The following NELL1 variants were observed in gnomAD, a reference collection of about 807,000 sequenced individuals.
NELL1 encodes protein kinase C-binding protein NELL1.
In NELL1, 76 loss-of-function variants were observed where a neutral mutation model predicts 107.4. The ratio of observed to expected loss-of-function variants is 0.71; its 90% CI spans 0.59 to 0.86. The LOEUF (loss-of-function observed/expected upper bound fraction) is 0.86. Among genes scored for constraint, NELL1 ranks in the 40% least tolerant of loss-of-function variants. The probability of loss-of-function intolerance (pLI) is 0.00; values close to 1 mark genes in which losing one functional copy is unlikely to be tolerated. For synonymous variants in NELL1, 353 were observed against 341.2 expected (o/e 1.03, Z -0.38); for missense variants, 1,024 against 1,005.5 (o/e 1.02, Z -0.25).
chr11:21,164,130 G>C (rs959568014), intron 13 of NELL1, among the ~76,000 whole-genome samples: 5 of 152,254 alleles, frequency 3.3e-5, no homozygotes, highest in Middle Eastern at 3.4e-3. Flanking sequence ...CAGAACTGTG[G>C]GAATATAAGT....
chr11:21,427,031 T>C (rs1192273325), intron 15 of NELL1, among the ~76,000 whole-genome samples: 1 of 152,078 alleles, frequency 6.6e-6, no homozygotes, highest in African/African-American at 2.4e-5. Flanking sequence ...CTTCAGTCAG[T>C]CCACAGCCAG....
At chr11:21,404,008 C>CCCA (rs1852164170) in intron 15 of NELL1, among the ~76,000 whole-genome samples, 1 of 99,548 alleles carries the variant, frequency 1.0e-5, no homozygotes, top group Non-Finnish European at 2.2e-5. Context: ...TTCCTGAACC[C>CCCA]CCCCCCCCGC....
At chr11:20,928,565 T>A in intron 9 of NELL1, 86 bp downstream of exon 9, 1 of 1,014,994 alleles carries the variant, frequency 9.9e-7, no homozygotes, top group Non-Finnish European at 1.5e-6. Context: ...CTCAACTGAT[T>A]GACATTGATG....
At chr11:20,943,574 C>A (rs955120338) in intron 10 of NELL1, among the ~76,000 whole-genome samples, 1 of 151,796 alleles carries the variant, frequency 6.6e-6, no homozygotes, top group Admixed American at 6.6e-5. Flanking sequence ...AGTACAAGAC[C>A]CCATTTCAAA....
Position 21,401,754 on chromosome 11 carries a change from G to A in NELL1, c.1645+30806G>A, listed in dbSNP as rs566363254. On this transcript the variant is annotated intron_variant, in intron 15 of 19. Coordinates refer to ENST00000357134, the MANE Select transcript of NELL1 (RefSeq NM_006157.5). Reference sequence around the variant, plus strand: ...CAGTAGGTAACATGAGGAAGCACCAGGAATATGAGTTTCAAGCCAGGCATC... The same window carrying A: ...CAGTAGGTAACATGAGGAAGCACCAAGAATATGAGTTTCAAGCCAGGCATC... Among the ~76,000 whole-genome samples the A allele has an allele frequency of 2.6e-5, 4 of 151,848 alleles. No homozygotes were observed. In the South Asian group the frequency reaches 6.2e-4, roughly 24 times the overall value.
intron 14 of NELL1, among the ~76,000 whole-genome samples, chr11:21,303,310 T>C (rs1849538445): frequency 6.6e-6 from 1 of 151,850 alleles, no homozygotes; most frequent in South Asian, 2.1e-4. Context: ...TTGCAAATTG[T>C]TTTTTTAGAA....
intron 14 of NELL1, among the ~76,000 whole-genome samples, chr11:21,274,538 AC>A (rs2133938912): frequency 6.6e-6 from 1 of 152,318 alleles, no homozygotes; most frequent in Non-Finnish European, 1.5e-5. Context: ...TCAGCTCTGC[AC>A]CAAGCGGACC....
Position 21,063,413 on chromosome 11 carries a change from C to T in NELL1, c.1301-50176C>T, listed in dbSNP as rs141035604. ...TTAGTTGAACTCAATCTCTAGTCCC[C>T]CTTCTCTCCCTGGAGGTCAAATTGC... On this transcript the variant is annotated intron_variant, in intron 12 of 19. Transcript: ENST00000357134. Among the ~76,000 whole-genome samples, 216 of 152,236 alleles carry T rather than the reference C, an allele frequency of 1.4e-3. 1 individual carries two copies. The highest frequency in any genetic ancestry group is 4.9e-3 in the African/African-American group (202 of 41,548).
chr11:20,903,802 T>G (rs1849931791), intron 5 of NELL1, among the ~76,000 whole-genome samples: 3 of 152,038 alleles, frequency 2.0e-5, no homozygotes, highest in Admixed American at 2.0e-4. Flanking sequence ...AAGCAGAAAT[T>G]GTCAGAACCA....
chr11:20,735,459 AC>A (rs1245837101), intron 2 of NELL1, among the ~76,000 whole-genome samples: 1 of 152,156 alleles, frequency 6.6e-6, no homozygotes, highest in Non-Finnish European at 1.5e-5. Context: ...CCCTTATAAA[AC>A]CATTATGTCT....
At chr11:21,135,868 ATTT>A (rs1855734214) in intron 13 of NELL1, among the ~76,000 whole-genome samples, 1 of 152,158 alleles carries the variant, frequency 6.6e-6, no homozygotes, top group Non-Finnish European at 1.5e-5. Context: ...ATATTTATCA[ATTT>A]TTGGTCCCTA....
rs200041858 is a variant in NELL1 at position 20,920,230 on chromosome 11, G to T, written c.759+896G>T. On this transcript the variant is annotated intron_variant, in intron 7 of 19. Coordinates refer to ENST00000357134, the MANE Select transcript of NELL1 (RefSeq NM_006157.5). Reference sequence around the variant, plus strand: ...CTAAGAGACATTATACTCTGCAAAAGAAGAATTTTAATAACAATGAAAATG... The same window carrying T: ...CTAAGAGACATTATACTCTGCAAAATAAGAATTTTAATAACAATGAAAATG... Among the ~76,000 whole-genome samples the T allele has an allele frequency of 8.0e-5, 11 of 138,002 alleles. 1 individual carries two copies. The South Asian group carries it at 2.6e-3, about 33-fold the overall frequency. 90.5% of individuals were successfully genotyped at this position (138,002 alleles called of 152,430 possible).
At chr11:20,998,692 C>T (rs1254225936) in intron 12 of NELL1, among the ~76,000 whole-genome samples, 2 of 152,196 alleles carry the variant, frequency 1.3e-5, no homozygotes, top group African/African-American at 2.4e-5. Flanking sequence ...AAAACATCGG[C>T]TGTCTTCCAT....
intron 15 of NELL1, among the ~76,000 whole-genome samples, chr11:21,468,647 G>A (rs1229819326): frequency 6.6e-6 from 1 of 152,064 alleles, no homozygotes; most frequent in Admixed American, 6.6e-5. Context: ...GGGTTAGGTA[G>A]AACCTATGAC....
chr11:21,448,524 C>T lies in NELL1; in HGVS notation c.1645+77576C>T, dbSNP rs191638789. ...CAGGTACAAAGTTCACCTAAGTAAA[C>T]ACACATGTGGTGTACATATATAATA... On this transcript the variant is annotated intron_variant, in intron 15 of 19. Coordinates refer to ENST00000357134, the MANE Select transcript of NELL1 (RefSeq NM_006157.5). Among the ~76,000 whole-genome samples the T allele has an allele frequency of 1.2e-3, 176 of 152,264 alleles. 2 individuals carry two copies. The highest frequency in any genetic ancestry group is 3.8e-3 in the African/African-American group (157 of 41,542).
intron 5 of NELL1, among the ~76,000 whole-genome samples, chr11:20,886,751 G>A (rs1441710714): frequency 6.6e-6 from 1 of 152,160 alleles, no homozygotes; most frequent in Admixed American, 6.5e-5. Flanking sequence ...GTTGATGGGT[G>A]CAGCAAACCA....
chr11:21,097,642 G>T (rs568795677), intron 12 of NELL1, among the ~76,000 whole-genome samples: 3 of 152,260 alleles, frequency 2.0e-5, no homozygotes, highest in Non-Finnish European at 2.9e-5. Context: ...TAGAGCTGAC[G>T]GGAAGCAGGG....
Position 21,042,757 on chromosome 11 carries a change from G to A in NELL1, c.1301-70832G>A, listed in dbSNP as rs117035973. 1.4e-3 allele frequency among the ~76,000 whole-genome samples: 209 copies of A among 152,224 alleles called. 2 individuals carry two copies. Among genetic ancestry groups the A allele is most frequent in the Admixed American group, 2.5e-3 (38 of 15,286 alleles). On this transcript the variant is annotated intron_variant, in intron 12 of 19. Coordinates refer to ENST00000357134, the MANE Select transcript of NELL1 (RefSeq NM_006157.5). ...CGTTTGAAAACATCTGAGGTAAATG[G>A]GAGGTCAGGGAGCTGTTTCCAACAT...
At chr11:21,343,886 A>G (rs1477069095) in intron 14 of NELL1, among the ~76,000 whole-genome samples, 1 of 152,196 alleles carries the variant, frequency 6.6e-6, no homozygotes, top group Non-Finnish European at 1.5e-5. Context: ...GGAGGGGCTC[A>G]ATCAATGTTA....
Sources: gnomAD v4.1 joint callset for allele counts (sites outside exome capture counted in the v4.1 genomes callset) on GRCh38, gnomAD v4.1.1 for gene constraint, MANE v1.5 for transcripts, NCBI Gene and HGNC (gene_info 2026-07-23, HGNC 2026-07-21) for gene names.